MYO3B: variants seen among roughly 807,000 people sequenced by gnomAD.
The protein encoded by MYO3B is myosin-IIIb.
A neutral mutation model predicts 174.6 loss-of-function variants in MYO3B; 156 were observed. That is an observed-to-expected ratio of 0.89 (90% CI 0.78 to 1.02). The LOEUF is 1.02. Among genes scored for constraint, MYO3B ranks in the 50% least tolerant of loss-of-function variants. The probability of loss-of-function intolerance (pLI) is 0.00; values close to 1 mark genes in which losing one functional copy is unlikely to be tolerated. For missense variants in MYO3B, 1,632 were observed against 1,639.4 expected, an observed-to-expected ratio of 1.00 and a Z score of 0.08; for synonymous variants, 563 against 569.1, an observed-to-expected ratio of 0.99 and a Z score of 0.15.
intron 32 of MYO3B, among the ~76,000 whole-genome samples, chr2:170,557,298 C>T (rs969624792): frequency 6.6e-5 from 10 of 152,146 alleles, no homozygotes; most frequent in African/African-American, 2.4e-4. Context: ...CACCACCATG[C>T]CCAGCTAATT....
In MYO3B at chr2:170,522,763, G is replaced by A. The variant is rs542619285; in HGVS notation, c.3575+3223G>A. Among the ~76,000 whole-genome samples, 25 of 152,112 alleles carry A rather than the reference G, an allele frequency of 1.6e-4. No individual in the cohort carries two copies. The South Asian group carries it at 4.4e-3, about 27-fold the overall frequency. On this transcript the variant is annotated intron_variant, in intron 30 of 34. Coordinates refer to ENST00000408978, the MANE Select transcript of MYO3B (RefSeq NM_138995.5). ...CTCTTCTCTCTGCCCATTCCTTTCT[G>A]TTCAGCTCTTACCTTTTGGTCAAGA...
At chr2:170,383,304 C>G in intron 11 of MYO3B, 115 bp downstream of exon 11, 1 of 677,374 alleles carries the variant, frequency 1.5e-6, no homozygotes, top group Admixed American at 2.4e-5. Flanking sequence ...TGTATATACT[C>G]CAAACTGCAG....
At chr2:170,253,147 C>T (rs2093271191) in intron 7 of MYO3B, among the ~76,000 whole-genome samples, 1 of 152,144 alleles carries the variant, frequency 6.6e-6, no homozygotes, top group Non-Finnish European at 1.5e-5. Flanking sequence ...AGAGTAGAAG[C>T]AGAGACTCAA....
intron 28 of MYO3B, among the ~76,000 whole-genome samples, chr2:170,509,796 A>AC (rs5836282): frequency 0.84 from 127,381 of 152,154 alleles, 53,634 homozygotes; most frequent in East Asian, 1. Context: ...GCTAAATATC[A>AC]CCAGATTTGT....
At chr2:170,547,625 A>G (rs1057285175) in intron 32 of MYO3B, among the ~76,000 whole-genome samples, 3 of 152,232 alleles carry the variant, frequency 2.0e-5, no homozygotes, top group Non-Finnish European at 2.9e-5. Context: ...AAACTTTTAT[A>G]AAAGGCCAGT....
chr2:170,292,465 T>C (rs1355630003), intron 7 of MYO3B, among the ~76,000 whole-genome samples: 4 of 152,216 alleles, frequency 2.6e-5, no homozygotes, highest in Non-Finnish European at 5.9e-5. Context: ...ATGGGTCTGT[T>C]TGCTGTTGTT....
intron 32 of MYO3B, among the ~76,000 whole-genome samples, chr2:170,620,634 G>A (rs990129932): frequency 6.6e-6 from 1 of 152,164 alleles, no homozygotes; most frequent in Non-Finnish European, 1.5e-5. Flanking sequence ...TGTTCCCATT[G>A]GTTACCCTTG....
intron 25 of MYO3B, among the ~76,000 whole-genome samples, chr2:170,476,025 T>A (rs1361905009): frequency 6.6e-6 from 1 of 152,152 alleles, no homozygotes; most frequent in Non-Finnish European, 1.5e-5. Flanking sequence ...GAGGTTAACT[T>A]TGATTATCCT....
chr2:170,649,388 TA>T (rs1338379790), intron 32 of MYO3B, among the ~76,000 whole-genome samples: 4 of 119,270 alleles, frequency 3.4e-5, no homozygotes, highest in African/African-American at 6.5e-5. Flanking sequence ...ATATATTATA[TA>T]AAAATATAAA....
chr2:170,488,483 T>C (rs1686214300), intron 25 of MYO3B, among the ~76,000 whole-genome samples: 1 of 152,188 alleles, frequency 6.6e-6, no homozygotes, highest in Non-Finnish European at 1.5e-5. Flanking sequence ...AAAAAAAATG[T>C]TCAGAAGAAG....
chr2:170,356,490 G>C (rs1574842307), intron 8 of MYO3B, among the ~76,000 whole-genome samples: 1 of 151,984 alleles, frequency 6.6e-6, no homozygotes, highest in Non-Finnish European at 1.5e-5. Flanking sequence ...AGCCTCCTGA[G>C]TAGCTGGGAT....
At chr2:170,556,875 A>G (rs1332639604) in intron 32 of MYO3B, among the ~76,000 whole-genome samples, 1 of 152,172 alleles carries the variant, frequency 6.6e-6, no homozygotes, top group African/African-American at 2.4e-5. Context: ...TTAATTTGCA[A>G]TTCACTGATA....
intron 7 of MYO3B, among the ~76,000 whole-genome samples, chr2:170,283,254 GAGCCTA>G (rs1018816653): frequency 2.6e-5 from 4 of 152,144 alleles, no homozygotes; most frequent in Non-Finnish European, 5.9e-5. Context: ...AGGGTTATAG[GAGCCTA>G]AGGTGAGAAT....
At chr2:170,314,856 C>T (rs13015830) in intron 7 of MYO3B, among the ~76,000 whole-genome samples, 58,773 of 151,660 alleles carry the variant, frequency 0.39, 13,873 homozygotes, top group East Asian at 0.62. Context: ...GACTACGCTA[C>T]AGCTGTATTA....
At chr2:170,294,881 A>G (rs1255481017) in intron 7 of MYO3B, among the ~76,000 whole-genome samples, 1 of 152,130 alleles carries the variant, frequency 6.6e-6, no homozygotes, top group Non-Finnish European at 1.5e-5. Context: ...CATATAAAGT[A>G]GGGGATATAT....
intron 7 of MYO3B, among the ~76,000 whole-genome samples, chr2:170,294,761 A>C (rs1034077037): frequency 1.3e-5 from 2 of 152,140 alleles, no homozygotes; most frequent in African/African-American, 4.8e-5. Flanking sequence ...GTACAACACC[A>C]AGATTGAACT....
intron 32 of MYO3B, among the ~76,000 whole-genome samples, chr2:170,612,975 G>A (rs534356067): frequency 9.5e-4 from 144 of 152,250 alleles, no homozygotes; most frequent in Non-Finnish European, 1.3e-3. Flanking sequence ...GGAGGCCTAC[G>A]CGGAGCACTG....
At chr2:170,647,122 C>A (rs1698446433) in intron 32 of MYO3B, among the ~76,000 whole-genome samples, 1 of 152,038 alleles carries the variant, frequency 6.6e-6, no homozygotes, top group Admixed American at 6.6e-5. Context: ...GTTTAAAATT[C>A]TCAATATATA....
intron 28 of MYO3B, among the ~76,000 whole-genome samples, chr2:170,510,626 G>A (rs1687916359): frequency 6.6e-6 from 1 of 151,506 alleles, no homozygotes; most frequent in Non-Finnish European, 1.5e-5. Context: ...CTGGATGAAG[G>A]TGGGTCCTGA....
Sources: gnomAD v4.1 joint callset for allele counts (sites outside exome capture counted in the v4.1 genomes callset) on GRCh38, gnomAD v4.1.1 for gene constraint, MANE v1.5 for transcripts, NCBI Gene and HGNC (gene_info 2026-07-23, HGNC 2026-07-21) for gene names.